ERBB4: variants seen among roughly 807,000 people sequenced by gnomAD.
The protein encoded by ERBB4 is receptor tyrosine-protein kinase erbB-4.
In ERBB4, 42 loss-of-function variants were observed where a neutral mutation model predicts 158.0. The ratio of observed to expected loss-of-function variants is 0.27; its 90% confidence interval spans 0.21 to 0.34. The LOEUF (loss-of-function observed/expected upper bound fraction) is 0.34. Ranked by LOEUF, ERBB4 falls within the 10% of genes least tolerant of loss-of-function variation. The pLI is 1.00. For synonymous variants in ERBB4, 583 were observed against 558.7 expected, an observed-to-expected ratio of 1.04 and a Z score of -0.61; for missense variants, 1,333 against 1,624.1, an observed-to-expected ratio of 0.82 and a Z score of 3.08.
At chr2:212,178,998 A>G (rs944967196) in intron 1 of ERBB4, among the ~76,000 whole-genome samples, 1 of 151,670 alleles carries the variant, frequency 6.6e-6, no homozygotes, top group Non-Finnish European at 1.5e-5. Flanking sequence ...ACAATCAAAT[A>G]TACAATTAAT....
At chr2:212,513,836 A>AATAAAT (rs1691670333) in intron 1 of ERBB4, among the ~76,000 whole-genome samples, 1 of 152,062 alleles carries the variant, frequency 6.6e-6, no homozygotes, top group African/African-American at 2.4e-5. Context: ...TAAATAAATA[A>AATAAAT]AAAGAACAAT....
At chr2:211,937,128 C>T (rs1039956378) in intron 3 of ERBB4, among the ~76,000 whole-genome samples, 3 of 152,106 alleles carry the variant, frequency 2.0e-5, no homozygotes, top group African/African-American at 4.8e-5. Flanking sequence ...GTTCCTTGTA[C>T]AATCTTTTAC....
intron 2 of ERBB4, among the ~76,000 whole-genome samples, chr2:211,984,733 T>C (rs1162903044): frequency 1.3e-5 from 2 of 152,144 alleles, no homozygotes; most frequent in Non-Finnish European, 2.9e-5. Flanking sequence ...AAGTTTAGCA[T>C]ATAACATTTT....
chr2:211,521,475 G>C (rs1033807536), intron 20 of ERBB4, among the ~76,000 whole-genome samples: 7 of 152,124 alleles, frequency 4.6e-5, no homozygotes, highest in African/African-American at 1.4e-4. Flanking sequence ...AGGAAAGAAG[G>C]CATCTCCATA....
intron 1 of ERBB4, among the ~76,000 whole-genome samples, chr2:212,408,661 A>C (rs2091417080): frequency 6.6e-6 from 1 of 152,096 alleles, no homozygotes; most frequent in Non-Finnish European, 1.5e-5. Flanking sequence ...CTCTTACAAA[A>C]AAGAAAATAC....
intron 1 of ERBB4, among the ~76,000 whole-genome samples, chr2:212,365,756 T>C (rs2089865593): frequency 6.6e-6 from 1 of 151,870 alleles, no homozygotes; most frequent in Non-Finnish European, 1.5e-5. Flanking sequence ...CTACAAATCA[T>C]GATAATGTTT....
chr2:211,645,763 T>G (rs1450601734), intron 16 of ERBB4, among the ~76,000 whole-genome samples: 1 of 151,768 alleles, frequency 6.6e-6, no homozygotes, highest in Non-Finnish European at 1.5e-5. Flanking sequence ...ATAATGACAC[T>G]ATAATTCAAA....
chr2:212,174,975 G>C (rs972302534), intron 1 of ERBB4, among the ~76,000 whole-genome samples: 7 of 151,970 alleles, frequency 4.6e-5, no homozygotes, highest in African/African-American at 1.7e-4. Context: ...AACTGGTCTG[G>C]TCTAACATTT....
At chr2:212,486,530 G>A (rs1689991034) in intron 1 of ERBB4, among the ~76,000 whole-genome samples, 2 of 152,134 alleles carry the variant, frequency 1.3e-5, no homozygotes, top group Non-Finnish European at 1.5e-5. Flanking sequence ...TTCAGGGACT[G>A]AATTTGCAGC....
intron 20 of ERBB4, among the ~76,000 whole-genome samples, chr2:211,508,503 T>C (rs1023585004): frequency 3.9e-5 from 6 of 152,030 alleles, no homozygotes; most frequent in African/African-American, 1.4e-4. Flanking sequence ...TTTGGAGAAA[T>C]AGGAATGCTT....
intron 20 of ERBB4, among the ~76,000 whole-genome samples, chr2:211,558,579 T>C (rs2067299729): frequency 6.6e-6 from 1 of 152,166 alleles, no homozygotes; most frequent in South Asian, 2.1e-4. Context: ...TAGATACCAT[T>C]TATTACATTC....
intron 3 of ERBB4, among the ~76,000 whole-genome samples, chr2:211,839,747 T>G (rs1052888979): frequency 1.3e-5 from 2 of 152,140 alleles, no homozygotes; most frequent in East Asian, 3.8e-4. Context: ...CCTTCTCAAG[T>G]GTTGTTAAAC....
chr2:212,133,227 G>A (rs552588343), intron 1 of ERBB4, among the ~76,000 whole-genome samples: 62 of 151,776 alleles, frequency 4.1e-4, no homozygotes, highest in African/African-American at 1.5e-3. Context: ...AACAACCCTT[G>A]GCTTCTAATT....
In ERBB4 at chr2:211,430,799, C is replaced by T. The variant is rs189872181; in HGVS notation, c.2643+146G>A. The T allele has an allele frequency of 2.7e-4, 188 of 692,420 alleles. No individual in the cohort carries two copies. In the East Asian group the frequency reaches 4.5e-3, roughly 17 times the overall value. The allele number at this position is 692,420 out of a possible 1,614,324, so 42.9% of individuals were successfully genotyped here. On this transcript the variant is annotated intron_variant, in intron 21 of 27. Transcript: ENST00000342788. ...ATATACACACACATATATATATACC[C>T]GGGGCAGGAGAAGAGGCAAATGGTA...
chr2:211,881,268 G>A (rs749498307), intron 3 of ERBB4, among the ~76,000 whole-genome samples: 1 of 152,254 alleles, frequency 6.6e-6, no homozygotes, highest in Non-Finnish European at 1.5e-5. Flanking sequence ...TGATACAGGC[G>A]GTAGAAATAA....
chr2:211,638,700 A>G (rs1005749461), intron 16 of ERBB4, among the ~76,000 whole-genome samples: 1 of 152,144 alleles, frequency 6.6e-6, no homozygotes, highest in Admixed American at 6.6e-5. Flanking sequence ...TGAATGCAAC[A>G]TTTCATTCGA....
At chr2:212,208,658 A>C (rs2082839575) in intron 1 of ERBB4, among the ~76,000 whole-genome samples, 1 of 152,278 alleles carries the variant, frequency 6.6e-6, no homozygotes, top group African/African-American at 2.4e-5. Context: ...GTGGGAATTC[A>C]AAACATTAAG....
chr2:211,994,973 A>G (rs558692258), intron 2 of ERBB4, among the ~76,000 whole-genome samples: 22 of 152,196 alleles, frequency 1.4e-4, no homozygotes, highest in Non-Finnish European at 2.6e-4. Flanking sequence ...CATTCTGGGA[A>G]TTCTCTGATG....
intron 1 of ERBB4, among the ~76,000 whole-genome samples, chr2:212,351,987 T>C (rs548767008): frequency 6.6e-6 from 1 of 152,042 alleles, no homozygotes; most frequent in South Asian, 2.1e-4. Context: ...TATGCAACCA[T>C]AAAAAAGAAG....
Sources: allele counts gnomAD v4.1 joint callset (sites outside exome capture counted in the v4.1 genomes callset), GRCh38; gene constraint gnomAD v4.1.1; transcripts MANE v1.5; gene names NCBI Gene and HGNC (gene_info 2026-07-23, HGNC 2026-07-21).